KCNQ3: variants seen among roughly 807,000 people sequenced by gnomAD.
The protein encoded by KCNQ3 is potassium voltage-gated channel subfamily KQT member 3.
A neutral mutation model predicts 92.5 loss-of-function variants in KCNQ3; 30 were observed. The ratio of observed to expected loss-of-function variants is 0.32; its 90% CI spans 0.24 to 0.44. The LOEUF is 0.44. Ranked by LOEUF, KCNQ3 falls within the 20% of genes least tolerant of loss-of-function variation. The pLI, the probability that KCNQ3 is intolerant of heterozygous loss-of-function variation, is 1.00. For missense variants in KCNQ3, 913 were observed against 1,140.3 expected, an observed-to-expected ratio of 0.80 and a Z score of 2.87; for synonymous variants, 450 against 468.8, an observed-to-expected ratio of 0.96 and a Z score of 0.52.
At chr8:132,434,207 CAAAAA>C (rs546958236) in intron 1 of KCNQ3, among the ~76,000 whole-genome samples, 1 of 130,746 alleles carries the variant, frequency 7.6e-6, no homozygotes, top group Non-Finnish European at 1.6e-5. Flanking sequence ...GACTCCGTCT[CAAAAA>C]AAAAAAAAAA....
intron 1 of KCNQ3, among the ~76,000 whole-genome samples, chr8:132,296,239 G>A (rs990178025): frequency 5.3e-5 from 8 of 152,078 alleles, no homozygotes; most frequent in Non-Finnish European, 1.0e-4. Flanking sequence ...GCCTTAGGGC[G>A]GCTTTTCAGC....
At chr8:132,185,940 G>C in intron 2 of KCNQ3, 151 bp downstream of exon 2, 1 of 696,806 alleles carries the variant, frequency 1.4e-6, no homozygotes, top group Non-Finnish European at 2.6e-6. Flanking sequence ...GCCATACCAA[G>C]TAATGGAGGC....
At chr8:132,353,657 T>C (rs1818937891) in intron 1 of KCNQ3, among the ~76,000 whole-genome samples, 1 of 151,876 alleles carries the variant, frequency 6.6e-6, no homozygotes, top group African/African-American at 2.4e-5. Flanking sequence ...CTACTAAAAA[T>C]ACAAAAATTA....
rs181166117 is a variant in KCNQ3 at position 132,126,001 on chromosome 8, G to T, written c.*3261C>A. ...TCTCAGCTCAATAGGATCATGTTTC[G>T]CTTAACATTTGTGAAGTTGATTTAT... On this transcript the variant is annotated 3_prime_UTR_variant, in exon 15 of 15. Transcript: ENST00000388996. 1.3e-5 allele frequency: 2 copies of T among 152,028 alleles called. No homozygotes were observed. Among genetic ancestry groups the T allele is most frequent in the Non-Finnish European group, 2.9e-5 (2 of 68,026 alleles). 9.4% of individuals were successfully genotyped at this position (152,028 alleles called of 1,614,324 possible).
intron 9 of KCNQ3, among the ~76,000 whole-genome samples, chr8:132,154,507 T>C (rs955629136): frequency 2.6e-5 from 4 of 152,110 alleles, no homozygotes; most frequent in Non-Finnish European, 5.9e-5. Context: ...TCTGTCTTCA[T>C]CCTTATCCTT....
chr8:132,275,535 A>T (rs1816296954), intron 1 of KCNQ3, among the ~76,000 whole-genome samples: 1 of 151,850 alleles, frequency 6.6e-6, no homozygotes, highest in Admixed American at 6.6e-5. Context: ...AGAGGCCCAA[A>T]ACGCACCTCA....
At chr8:132,299,176 A>G (rs1215411337) in intron 1 of KCNQ3, among the ~76,000 whole-genome samples, 1 of 150,416 alleles carries the variant, frequency 6.6e-6, no homozygotes. Context: ...ATATATATAT[A>G]TATATATGGT....
At chr8:132,232,919 C>T (rs16904633) in intron 1 of KCNQ3, among the ~76,000 whole-genome samples, 1 of 152,038 alleles carries the variant, frequency 6.6e-6, no homozygotes, top group East Asian at 1.9e-4. Context: ...GATTAATGCA[C>T]ACAGATGCCG....
chr8:132,387,842 A>C (rs533741420), intron 1 of KCNQ3, among the ~76,000 whole-genome samples: 31 of 152,200 alleles, frequency 2.0e-4, no homozygotes, highest in African/African-American at 6.3e-4. Context: ...CTCTACAAAA[A>C]AAATTTTTTT....
intron 1 of KCNQ3, among the ~76,000 whole-genome samples, chr8:132,189,548 TG>T (rs909857815): frequency 1.1e-4 from 17 of 152,090 alleles, no homozygotes; most frequent in African/African-American, 3.9e-4. Context: ...CAAAAATGGC[TG>T]GGCACAGTGG....
At chr8:132,334,011 C>T (rs142897269) in intron 1 of KCNQ3, among the ~76,000 whole-genome samples, 1,600 of 152,190 alleles carry the variant, frequency 0.011, 34 homozygotes, top group African/African-American at 0.037. Context: ...TGAGCCACCA[C>T]ACCCAGCCAT....
intron 1 of KCNQ3, among the ~76,000 whole-genome samples, chr8:132,196,755 A>C (rs1827308596): frequency 6.6e-6 from 1 of 152,238 alleles, no homozygotes; most frequent in South Asian, 2.1e-4. Flanking sequence ...TCAGACTTTC[A>C]GCCAATAACC....
At chr8:132,211,440 T>C (rs916425053) in intron 1 of KCNQ3, among the ~76,000 whole-genome samples, 2 of 152,210 alleles carry the variant, frequency 1.3e-5, no homozygotes, top group African/African-American at 4.8e-5. Context: ...AAAGTTTCAA[T>C]TGACCTTTCC....
intron 1 of KCNQ3, among the ~76,000 whole-genome samples, chr8:132,456,594 T>A (rs1469815020): frequency 8.4e-6 from 1 of 118,532 alleles, no homozygotes; most frequent in Non-Finnish European, 1.9e-5. Flanking sequence ...AGCTTTCTAT[T>A]TTTTTTTTAT....
At chr8:132,371,332 G>A (rs73345944) in intron 1 of KCNQ3, among the ~76,000 whole-genome samples, 1,957 of 152,262 alleles carry the variant, frequency 0.013, 53 homozygotes, top group African/African-American at 0.045. Context: ...GCCACCATGT[G>A]GCATTACAAT....
intron 9 of KCNQ3, among the ~76,000 whole-genome samples, chr8:132,148,052 TTCTC>T (rs538301993): frequency 1.6e-3 from 240 of 152,306 alleles, no homozygotes; most frequent in African/African-American, 3.0e-3. Context: ...TGTCCTATTT[TTCTC>T]TCTAAGAAAA....
At chr8:132,355,526 T>C (rs140398359) in intron 1 of KCNQ3, among the ~76,000 whole-genome samples, 2 of 152,180 alleles carry the variant, frequency 1.3e-5, no homozygotes, top group African/African-American at 4.8e-5. Flanking sequence ...TTCCTGGAAA[T>C]TGATGAGAGT....
chr8:132,248,847 G>T (rs1479318223), intron 1 of KCNQ3, among the ~76,000 whole-genome samples: 1 of 152,210 alleles, frequency 6.6e-6, no homozygotes, highest in African/African-American at 2.4e-5. Context: ...TGGGAAAGAG[G>T]TATTTGTCTT....
chr8:132,181,122 G>C (rs1826754674), intron 3 of KCNQ3, among the ~76,000 whole-genome samples: 2 of 152,206 alleles, frequency 1.3e-5, no homozygotes, highest in African/African-American at 4.8e-5. Flanking sequence ...GAGATGGCAT[G>C]AGAATGTCCA....
Sources: gnomAD v4.1 joint callset for allele counts (sites outside exome capture counted in the v4.1 genomes callset) on GRCh38, gnomAD v4.1.1 for gene constraint, MANE v1.5 for transcripts, NCBI Gene and HGNC (gene_info 2026-07-23, HGNC 2026-07-21) for gene names.